Variants in CTNNA3 observed in about 807,000 individuals in gnomAD.
The protein encoded by CTNNA3 is catenin alpha-3.
A neutral mutation model predicts 95.7 loss-of-function variants in CTNNA3; 76 were observed. That is an observed-to-expected ratio of 0.79 (90% CI 0.66 to 0.96). The LOEUF (loss-of-function observed/expected upper bound fraction) is 0.96, where lower values mean the gene tolerates loss of function less well. CTNNA3 is among the 40% of genes least tolerant of loss of function. The pLI is 0.00. For missense variants in CTNNA3, 1,191 were observed against 1,089.8 expected, an observed-to-expected ratio of 1.09 and a Z score of -1.31; for synonymous variants, 431 against 374.4, an observed-to-expected ratio of 1.15 and a Z score of -1.74.
chr10:66,234,092 T>C (rs1442324558), intron 13 of CTNNA3, among the ~76,000 whole-genome samples: 2 of 152,176 alleles, frequency 1.3e-5, no homozygotes, highest in Non-Finnish European at 2.9e-5. Flanking sequence ...TTTTAAAAGG[T>C]TAATGACTGG....
In CTNNA3 at chr10:66,951,122, C is replaced by CT. The variant is rs60087487; in HGVS notation, c.1048-175599dup. Among the ~76,000 whole-genome samples, 739 of 140,670 alleles carry CT rather than the reference C, an allele frequency of 5.3e-3. 33 individuals are homozygous for CT. In the East Asian group the frequency reaches 0.11, roughly 21 times the overall value. 92.3% of individuals were successfully genotyped at this position (140,670 alleles called of 152,430 possible). A position where few individuals can be genotyped will look rare whatever the true frequency, so the allele number is the denominator to read the frequency against. ...ACACACACACACACACACACACTGT[C>CT]TTTTTTTTTTTTTAAGACAGAGTCT... is the stretch of plus-strand genomic sequence containing the variant. On this transcript the variant is annotated intron_variant, in intron 7 of 17. Transcript: ENST00000433211.
intron 14 of CTNNA3, among the ~76,000 whole-genome samples, chr10:66,076,408 T>A (rs1162926174): frequency 1.3e-5 from 2 of 151,746 alleles, no homozygotes; most frequent in Non-Finnish European, 3.0e-5. Flanking sequence ...CTCAAATATA[T>A]TCCTGAGAAT....
In CTNNA3 at chr10:66,454,856, C is replaced by T. The variant is rs946541943; in HGVS notation, c.1531+65761G>A. On this transcript the variant is annotated intron_variant, in intron 11 of 17. Transcript: ENST00000433211. ...AGGAGGGGAAGAAAGGGGGAAAAGG[C>T]GGAGGAGAGGAGGAAGAGGATAAAA... Among the ~76,000 whole-genome samples, 15 of 149,282 alleles carry T rather than the reference C, an allele frequency of 1.0e-4. No homozygotes were observed. The South Asian group carries it at 1.5e-3, about 15-fold the overall frequency.
chr10:66,853,420 G>A (rs1043370251), intron 7 of CTNNA3, among the ~76,000 whole-genome samples: 7 of 152,112 alleles, frequency 4.6e-5, no homozygotes, highest in African/African-American at 7.2e-5. Flanking sequence ...AACATTCTAC[G>A]TTCAAGTTAT....
At chr10:66,494,132 T>G (rs1349748792) in intron 11 of CTNNA3, among the ~76,000 whole-genome samples, 2 of 151,506 alleles carry the variant, frequency 1.3e-5, no homozygotes, top group Admixed American at 1.3e-4. Context: ...GGTCTCGAAC[T>G]CCTGACCTCA....
chr10:66,364,425 T>C (rs2092697603), intron 12 of CTNNA3, among the ~76,000 whole-genome samples: 1 of 151,906 alleles, frequency 6.6e-6, no homozygotes, highest in South Asian at 2.1e-4. Flanking sequence ...ACAAAACACC[T>C]AGTTCTCCAG....
At chr10:66,446,709 G>A (rs2093424713) in intron 11 of CTNNA3, among the ~76,000 whole-genome samples, 1 of 152,092 alleles carries the variant, frequency 6.6e-6, no homozygotes, top group Non-Finnish European at 1.5e-5. Context: ...CAAACCCACA[G>A]CCAATATCAT....
chr10:66,221,530 A>G (rs1350486531), intron 13 of CTNNA3, among the ~76,000 whole-genome samples: 3 of 152,220 alleles, frequency 2.0e-5, no homozygotes, highest in Admixed American at 6.5e-5. Flanking sequence ...TGTCCCTTCA[A>G]CAGCAGTGAG....
chr10:67,468,024 T>C (rs951441566), intron 5 of CTNNA3, among the ~76,000 whole-genome samples: 5 of 152,006 alleles, frequency 3.3e-5, no homozygotes, highest in Admixed American at 1.3e-4. Flanking sequence ...AACTTTCTTT[T>C]TTTTTTTTTT....
intron 10 of CTNNA3, among the ~76,000 whole-genome samples, chr10:66,572,441 C>T (rs1842897426): frequency 6.6e-6 from 1 of 151,212 alleles, no homozygotes; most frequent in African/African-American, 2.4e-5. Flanking sequence ...AACAGGCATA[C>T]ATACCTAGAC....
At chr10:67,088,808 ATT>A (rs1294337554) in intron 7 of CTNNA3, among the ~76,000 whole-genome samples, 10 of 152,072 alleles carry the variant, frequency 6.6e-5, no homozygotes, top group Non-Finnish European at 1.3e-4. Context: ...AAATCTGCAA[ATT>A]TATATTGAGT....
At chr10:67,273,136 T>C (rs552368656) in intron 5 of CTNNA3, among the ~76,000 whole-genome samples, 69 of 152,290 alleles carry the variant, frequency 4.5e-4, no homozygotes, top group Non-Finnish European at 9.4e-4. Context: ...TAACTCCTAT[T>C]CCTCATACCT....
intron 5 of CTNNA3, among the ~76,000 whole-genome samples, chr10:67,447,284 T>TA (rs763881695): frequency 6.6e-6 from 1 of 152,204 alleles, no homozygotes; most frequent in Non-Finnish European, 1.5e-5. Flanking sequence ...AACATGCGTG[T>TA]AATAGATTGT....
chr10:66,128,087 A>T (rs2082908682), intron 13 of CTNNA3, among the ~76,000 whole-genome samples: 1 of 152,114 alleles, frequency 6.6e-6, no homozygotes, highest in Non-Finnish European at 1.5e-5. Flanking sequence ...AAGAAAAGAA[A>T]AACAGTTAGA....
chr10:66,379,335 C>G lies in CTNNA3; in HGVS notation c.1549G>C (p.Asp517His), dbSNP rs373151978. ...LAVSESHILEDVNKCIIALRD... is the reference protein window; with the variant it reads ...LAVSESHILEHVNKCIIALRD... ...AAGGCTATGATACACTTGTTGACATCTTCCAAGATATGGCTTTCTGTAAGT... is the reference window on the plus strand; with the variant it reads ...AAGGCTATGATACACTTGTTGACATGTTCCAAGATATGGCTTTCTGTAAGT... Residue 517 changes from aspartate (D) to histidine (H), a missense_variant, in exon 12 of 18, where the codon GAT becomes CAT. Transcript: ENST00000433211. 4 of 1,613,860 alleles carry G rather than the reference C, an allele frequency of 2.5e-6. No individual in the cohort carries two copies. In the African/African-American group the frequency reaches 5.3e-5, roughly 22 times the overall value.
At chr10:67,222,519 G>A (rs961418807) in intron 5 of CTNNA3, among the ~76,000 whole-genome samples, 3 of 152,136 alleles carry the variant, frequency 2.0e-5, no homozygotes, top group South Asian at 2.1e-4. Context: ...GAAAGAATAC[G>A]GAATTGTTTT....
chr10:67,264,487 G>A (rs1468645029), intron 5 of CTNNA3, among the ~76,000 whole-genome samples: 2 of 152,104 alleles, frequency 1.3e-5, no homozygotes, highest in African/African-American at 2.4e-5. Context: ...TAAGTAACAT[G>A]CCCAGTTAGA....
intron 7 of CTNNA3, among the ~76,000 whole-genome samples, chr10:66,919,243 TA>T (rs1053109345): frequency 9.9e-5 from 15 of 151,006 alleles, no homozygotes; most frequent in African/African-American, 3.4e-4. Context: ...ATCGACGAAA[TA>T]AAATTAGCAA....
intron 7 of CTNNA3, among the ~76,000 whole-genome samples, chr10:66,931,721 T>C (rs149849830): frequency 1.3e-5 from 2 of 152,230 alleles, no homozygotes; most frequent in Non-Finnish European, 1.5e-5. Context: ...TTGAATGTTA[T>C]ACTTTTCATT....
Sources: gnomAD v4.1 joint callset for allele counts (sites outside exome capture counted in the v4.1 genomes callset) on GRCh38, gnomAD v4.1.1 for gene constraint, MANE v1.5 for transcripts, NCBI Gene and HGNC (gene_info 2026-07-23, HGNC 2026-07-21) for gene names.